The following KCNN3 variants were observed in gnomAD, a reference collection of about 807,000 sequenced individuals.
KCNN3 encodes potassium calcium-activated channel subfamily N member 3.
In KCNN3, 16 loss-of-function variants were observed where a neutral mutation model predicts 62.9. That is an observed-to-expected ratio of 0.25 (90% CI 0.17 to 0.39). The LOEUF is 0.39. Ranked by LOEUF, KCNN3 falls within the 10% of genes least tolerant of loss-of-function variation. The pLI, the probability that KCNN3 is intolerant of heterozygous loss-of-function variation, is 1.00. For synonymous variants in KCNN3, 370 were observed against 389.2 expected, an observed-to-expected ratio of 0.95 and a Z score of 0.58; for missense variants, 599 against 949.4, an observed-to-expected ratio of 0.63 and a Z score of 4.85.
At chr1:154,850,959 T>A (rs892548705) in intron 1 of KCNN3, among the ~76,000 whole-genome samples, 2 of 152,066 alleles carry the variant, frequency 1.3e-5, no homozygotes, top group African/African-American at 4.8e-5. Flanking sequence ...ATGGATAACT[T>A]AGCTGATTTT....
chr1:154,823,927 A>T (rs906209683), intron 1 of KCNN3, among the ~76,000 whole-genome samples: 1 of 152,200 alleles, frequency 6.6e-6, no homozygotes, highest in Non-Finnish European at 1.5e-5. Context: ...GTGTGCTGAG[A>T]TGGAATGAAA....
intron 6 of KCNN3, among the ~76,000 whole-genome samples, chr1:154,714,184 T>G (rs374145245): frequency 0.023 from 2,313 of 102,480 alleles, no homozygotes; most frequent in Admixed American, 0.025. Flanking sequence ...TGGTGTGTGG[T>G]GTGTGTGTGG....
chr1:154,808,488 C>A (rs1650270852), intron 2 of KCNN3, among the ~76,000 whole-genome samples: 1 of 152,184 alleles, frequency 6.6e-6, no homozygotes, highest in Non-Finnish European at 1.5e-5. Context: ...GCCCTCCACA[C>A]CCTTGTCCTC....
In KCNN3 at chr1:154,841,780, C is replaced by A. The variant is rs543010818; in HGVS notation, c.934-19596G>T. 5.3e-5 allele frequency among the ~76,000 whole-genome samples: 8 copies of A among 152,304 alleles called. No individual in the cohort carries two copies. The South Asian group carries it at 1.0e-3, about 20-fold the overall frequency. On this transcript the variant is annotated intron_variant, in intron 1 of 7. Coordinates refer to ENST00000271915, the MANE Select transcript of KCNN3 (RefSeq NM_002249.6). Reference sequence around the variant, plus strand: ...CTAGCAGGAGTAAGGATGAGATGTGCGAGCCGAAGGGGCTGTGCAGGGCTG... The same window carrying A: ...CTAGCAGGAGTAAGGATGAGATGTGAGAGCCGAAGGGGCTGTGCAGGGCTG...
chr1:154,869,132 T>C lies in KCNN3; in HGVS notation c.833A>G (p.Glu278Gly). Residue 278 changes from glutamate (E) to glycine (G), a missense_variant, in exon 1 of 8, where the codon GAA (glutamate) becomes GGA (glycine). Physicochemically the swap from Glu to Gly is moderately conservative, Grantham distance 98 (BLOSUM62 -2). Transcript: ENST00000271915. The surrounding 1 kb of genome is among the most constrained non-coding windows in gnomAD (Gnocchi z 6.1). Reference sequence around the variant, plus strand: ...ATAGTCACTCAGTCGCTTTCTCTTTTCAAACAGGGCCCTCCTGTGTCCCAG... The same window carrying C: ...ATAGTCACTCAGTCGCTTTCTCTTTCCAAACAGGGCCCTCCTGTGTCCCAG... ...YKLGHRRALF[E>G]KRKRLSDYAL... The C allele has an allele frequency of 6.2e-7, 1 of 1,614,182 alleles. No individual in the cohort carries two copies. The highest frequency in any genetic ancestry group is 8.5e-7 in the Non-Finnish European group (1 of 1,180,016).
At chr1:154,803,948 C>T (rs1650057804) in intron 2 of KCNN3, among the ~76,000 whole-genome samples, 1 of 152,246 alleles carries the variant, frequency 6.6e-6, no homozygotes, top group African/African-American at 2.4e-5. Context: ...ATTTTCCAAT[C>T]CCTGCCTGTG....
chr1:154,766,846 A>AT (rs1171557250), intron 3 of KCNN3, among the ~76,000 whole-genome samples: 1 of 151,502 alleles, frequency 6.6e-6, no homozygotes, highest in Non-Finnish European at 1.5e-5. Context: ...TGCCCGGCTA[A>AT]TTTTTTTGTA....
intron 2 of KCNN3, among the ~76,000 whole-genome samples, chr1:154,798,771 A>G (rs1287026041): frequency 6.6e-6 from 1 of 152,244 alleles, no homozygotes; most frequent in Non-Finnish European, 1.5e-5. Flanking sequence ...GTGAAGTTAC[A>G]CAACTAAGAA....
chr1:154,776,663 G>C (rs967843223), intron 2 of KCNN3, among the ~76,000 whole-genome samples: 3 of 152,188 alleles, frequency 2.0e-5, no homozygotes, highest in African/African-American at 7.2e-5. Flanking sequence ...CCCCAACCCT[G>C]CTGTTTCCTC....
At chr1:154,847,443 C>T (rs1652120491) in intron 1 of KCNN3, among the ~76,000 whole-genome samples, 1 of 152,222 alleles carries the variant, frequency 6.6e-6, no homozygotes, top group South Asian at 2.1e-4. Context: ...ACAAGCAAAG[C>T]CAGAGGCTGG....
chr1:154,852,345 A>G (rs1457589208), intron 1 of KCNN3, among the ~76,000 whole-genome samples: 1 of 150,100 alleles, frequency 6.7e-6, no homozygotes, highest in Non-Finnish European at 1.5e-5. Context: ...CTAGAACCAC[A>G]GGCATATGCC....
chr1:154,761,276 A>T (rs906810205), intron 3 of KCNN3, among the ~76,000 whole-genome samples: 2 of 152,194 alleles, frequency 1.3e-5, no homozygotes, highest in African/African-American at 2.4e-5. Flanking sequence ...ACCACCAGCC[A>T]GGCCAACATG....
chr1:154,766,741 G>T (rs1648309193), intron 3 of KCNN3, among the ~76,000 whole-genome samples: 1 of 150,518 alleles, frequency 6.6e-6, no homozygotes. Flanking sequence ...GTGCAGTGGC[G>T]TGATCTCGGC....
intron 1 of KCNN3, among the ~76,000 whole-genome samples, chr1:154,835,940 G>T (rs1331382717): frequency 6.6e-6 from 1 of 152,324 alleles, no homozygotes; most frequent in South Asian, 2.1e-4. Flanking sequence ...CAAGTCTTCT[G>T]TATAGACTGA....
At chr1:154,791,740 CT>C (rs1649529234) in intron 2 of KCNN3, among the ~76,000 whole-genome samples, 1 of 152,212 alleles carries the variant, frequency 6.6e-6, no homozygotes, top group African/African-American at 2.4e-5. Context: ...AGTACCTGGA[CT>C]TTTTGACAGT....
chr1:154,826,052 AAAACAAAAACAAAAACAAAAACAAAAAC>A (rs1286521402), intron 1 of KCNN3, among the ~76,000 whole-genome samples: 3 of 61,360 alleles, frequency 4.9e-5, no homozygotes, highest in Non-Finnish European at 8.0e-5. Context: ...ATCTTAAAAA[AAAACAAAAACAAAAACAAAAACAAAAAC>A]AAAAACAAAA....
intron 3 of KCNN3, among the ~76,000 whole-genome samples, chr1:154,744,819 C>T (rs907008470): frequency 1.3e-5 from 2 of 151,350 alleles, no homozygotes; most frequent in Admixed American, 1.3e-4. Flanking sequence ...ATGCTTGAGG[C>T]GTGTGAAAGA....
chr1:154,724,895 C>T (rs1202617158), intron 5 of KCNN3, among the ~76,000 whole-genome samples: 26 of 148,734 alleles, frequency 1.7e-4, no homozygotes, highest in African/African-American at 2.5e-4. Flanking sequence ...CTTGCTCTGT[C>T]GCCCAGGCTG....
At chr1:154,805,156 A>C (rs1375155479) in intron 2 of KCNN3, among the ~76,000 whole-genome samples, 1 of 152,096 alleles carries the variant, frequency 6.6e-6, no homozygotes, top group African/African-American at 2.4e-5. Context: ...GGTGAAGAGG[A>C]AACAGGGGGA....
Sources: gnomAD v4.1 joint callset for allele counts (sites outside exome capture counted in the v4.1 genomes callset) on GRCh38, gnomAD v4.1.1 for gene constraint, Gnocchi (gnomAD v3.1) non-coding constraint, MANE v1.5 for transcripts, NCBI Gene and HGNC (gene_info 2026-07-23, HGNC 2026-07-21) for gene names.